FAM219A: variants seen among roughly 807,000 people sequenced by gnomAD.
The protein encoded by FAM219A is family with sequence similarity 219 member A, also known as protein FAM219A.
A neutral mutation model predicts 23.4 loss-of-function variants in FAM219A; 7 were observed. The observed-to-expected ratio is 0.30, with a 90% confidence interval of 0.17 to 0.56. The LOEUF is 0.56. FAM219A is among the 20% of genes least tolerant of loss of function. The pLI is 0.92. For synonymous variants in FAM219A, 93 were observed against 99.0 expected, an observed-to-expected ratio of 0.94 and a Z score of 0.36; for missense variants, 166 against 246.9, an observed-to-expected ratio of 0.67 and a Z score of 2.20.
chr9:34,435,169 C>T (rs1256988644), intron 1 of FAM219A, among the ~76,000 whole-genome samples: 2 of 152,120 alleles, frequency 1.3e-5, no homozygotes, highest in Non-Finnish European at 2.9e-5. Flanking sequence ...CTCCTAGAAG[C>T]TACAGGGCTC....
intron 1 of FAM219A, among the ~76,000 whole-genome samples, chr9:34,428,491 C>A (rs576835401): frequency 2.0e-5 from 3 of 152,208 alleles, no homozygotes; most frequent in Non-Finnish European, 4.4e-5. Flanking sequence ...AGGTCAATGC[C>A]AGATGGCAGC....
intron 1 of FAM219A, among the ~76,000 whole-genome samples, chr9:34,420,219 G>C (rs1050167173): frequency 1.3e-5 from 2 of 152,214 alleles, no homozygotes; most frequent in African/African-American, 2.4e-5. Flanking sequence ...AAAGTGCAGA[G>C]ATGACAGGCA....
chr9:34,420,143 G>A (rs1326745044), intron 1 of FAM219A, among the ~76,000 whole-genome samples: 1 of 152,080 alleles, frequency 6.6e-6, no homozygotes, highest in African/African-American at 2.4e-5. Context: ...CCCAACAAGG[G>A]GGAGGGCACA....
At chr9:34,416,211 GAAAGAAAGAAA>G (rs1822001723) in intron 1 of FAM219A, among the ~76,000 whole-genome samples, 1 of 101,422 alleles carries the variant, frequency 9.9e-6, no homozygotes, top group Non-Finnish European at 1.9e-5. Flanking sequence ...AAGAAAGAAA[GAAAGAAAGAAA>G]GAAAGAAAGA....
chr9:34,440,448 G>T (rs1342010970), intron 1 of FAM219A, among the ~76,000 whole-genome samples: 1 of 152,158 alleles, frequency 6.6e-6, no homozygotes, highest in African/African-American at 2.4e-5. Context: ...ACACTCCTCT[G>T]TGAGGAGAGA....
At position 34,399,821 on chromosome 9, in the gene FAM219A, G is replaced by C. The variant is rs1013809723; in HGVS notation, c.*1143C>G. ...CCAGGCTTCTGACTCCCGGTCCAAG[G>C]CTGTCAGCCCATTGCACTGCTGAGC... On this transcript the variant is annotated 3_prime_UTR_variant, in exon 6 of 6. Coordinates refer to ENST00000651358, the MANE Select transcript of FAM219A (RefSeq NM_001184940.2). 4 of 152,242 alleles carry C rather than the reference G, an allele frequency of 2.6e-5. No homozygotes were observed. The highest frequency in any genetic ancestry group is 7.2e-5 in the African/African-American group (3 of 41,426). The allele number at this position is 152,242 out of a possible 1,614,324, so 9.4% of individuals were successfully genotyped here.
At chr9:34,449,254 T>G (rs1167705905) in intron 1 of FAM219A, among the ~76,000 whole-genome samples, 2 of 152,174 alleles carry the variant, frequency 1.3e-5, no homozygotes, top group Non-Finnish European at 2.9e-5. Context: ...GAGGATCACC[T>G]GAGCTGGGGA....
chr9:34,420,070 T>A (rs908754720), intron 1 of FAM219A, among the ~76,000 whole-genome samples: 11 of 152,212 alleles, frequency 7.2e-5, no homozygotes, highest in Non-Finnish European at 1.6e-4. Context: ...TTCCTTTTTG[T>A]CATCCCAATA....
At position 34,402,721 on chromosome 9, in the gene FAM219A, C is replaced by T. The variant is rs1224126187; in HGVS notation, c.247G>A (p.Val83Ile). ...GGCCTCTACCTTGTTCGGGCCATGA[C>T]ATTGTTCTTCTTGGGTTGCTGGTTG... ...PVNQQPKKNN[V>I]MARTRLVVPN... Residue 83 changes from valine to isoleucine, a missense_variant, in exon 3 of 6, where the codon GTC (valine) becomes ATC (isoleucine). Physicochemically the swap from Val to Ile is conservative, Grantham distance 29. Around this residue, in one of 3 missense-constraint regions of FAM219A, gnomAD observed 89 missense variants for 98.8 expected, o/e 0.90. Transcript: ENST00000651358. 2 of 1,614,174 alleles carry T rather than the reference C, an allele frequency of 1.2e-6. No homozygotes were observed. The highest frequency in any genetic ancestry group is 1.3e-5 in the African/African-American group (1 of 75,052).
At chr9:34,454,967 G>C (rs904195101) in intron 1 of FAM219A, among the ~76,000 whole-genome samples, 1 of 152,118 alleles carries the variant, frequency 6.6e-6, no homozygotes, top group African/African-American at 2.4e-5. Context: ...GATGACACCA[G>C]CGTTGCCTGG....
At chr9:34,427,497 C>G (rs1822532511) in intron 1 of FAM219A, among the ~76,000 whole-genome samples, 1 of 152,194 alleles carries the variant, frequency 6.6e-6, no homozygotes, top group South Asian at 2.1e-4. Context: ...TTCTTTCATG[C>G]ACTTAGCAAA....
chr9:34,438,955 G>A (rs932046481), intron 1 of FAM219A, among the ~76,000 whole-genome samples: 2 of 152,220 alleles, frequency 1.3e-5, no homozygotes, highest in African/African-American at 2.4e-5. Flanking sequence ...TTTATGAGGT[G>A]TAACACTCAC....
intron 1 of FAM219A, among the ~76,000 whole-genome samples, chr9:34,455,958 C>T (rs1010112386): frequency 3.9e-5 from 6 of 152,122 alleles, no homozygotes; most frequent in African/African-American, 1.2e-4. Flanking sequence ...TTTGGGAGGC[C>T]GAGGCAGGCA....
Position 34,399,498 on chromosome 9 carries a change from C to G in FAM219A, c.*1466G>C, listed in dbSNP as rs972045036. On this transcript the variant is annotated 3_prime_UTR_variant, in exon 6 of 6. Transcript: ENST00000651358. ...ACACACACACATTCACAGACAAACA[C>G]GTAATCCCAAACAGAGCCACATGTG... 2 of 152,040 alleles carry G rather than the reference C, an allele frequency of 1.3e-5. No individual in the cohort carries two copies. The highest frequency in any genetic ancestry group is 4.8e-5 in the African/African-American group (2 of 41,296). 9.4% of individuals were successfully genotyped at this position (152,040 alleles called of 1,614,324 possible).
At chr9:34,451,545 C>T (rs1389099288) in intron 1 of FAM219A, among the ~76,000 whole-genome samples, 6 of 148,684 alleles carry the variant, frequency 4.0e-5, no homozygotes, top group Non-Finnish European at 9.1e-5. Flanking sequence ...CCTTTCCAGA[C>T]ACGAGGCTCC....
At chr9:34,435,175 G>C (rs147078416) in intron 1 of FAM219A, among the ~76,000 whole-genome samples, 1 of 152,276 alleles carries the variant, frequency 6.6e-6, no homozygotes, top group East Asian at 1.9e-4. Flanking sequence ...GAAGCTACAG[G>C]GCTCTGTAGA....
rs963730510 is a variant in FAM219A, at chr9:34,398,405, G to C, written c.*2559C>G. 7 of 1,546,380 alleles carry C rather than the reference G, an allele frequency of 4.5e-6. No homozygotes were observed. The Admixed American group carries it at 1.2e-4, about 26-fold the overall frequency. ...TTAAGGCAGTATCTACAAGGGGAAG[G>C]GTGGCAGGAGGGCAAGCTAAGGCCT... On this transcript the variant is annotated 3_prime_UTR_variant, in exon 6 of 6. Transcript: ENST00000651358.
intron 5 of FAM219A, among the ~76,000 whole-genome samples, chr9:34,401,460 A>T (rs553620413): frequency 2.0e-5 from 3 of 152,302 alleles, no homozygotes; most frequent in African/African-American, 7.2e-5. Flanking sequence ...TGCAATCTAA[A>T]GCCCCACTCC....
intron 1 of FAM219A, among the ~76,000 whole-genome samples, chr9:34,419,155 C>CA (rs1382085442): frequency 6.6e-6 from 1 of 152,036 alleles, no homozygotes; most frequent in Admixed American, 6.6e-5. Context: ...TATTCTAATA[C>CA]AATTTTTTTT....
Sources: allele counts gnomAD v4.1 joint callset (sites outside exome capture counted in the v4.1 genomes callset), GRCh38; gene constraint gnomAD v4.1.1; regional missense constraint gnomAD v4.1.1; transcripts MANE v1.5; gene names NCBI Gene and HGNC (gene_info 2026-07-23, HGNC 2026-07-21).